The following FNIP1 variants were observed in gnomAD, a reference collection of about 807,000 sequenced individuals.
FNIP1 encodes folliculin-interacting protein 1.
FNIP1 carries 40 observed loss-of-function variants against 124.5 expected under a neutral mutation model. That is an observed-to-expected ratio of 0.32 (90% CI 0.25 to 0.42). FNIP1 has a LOEUF of 0.42. Among genes scored for constraint, FNIP1 ranks in the 10% least tolerant of loss-of-function variants. FNIP1 has a pLI of 1.00. For missense variants in FNIP1, 1,176 were observed against 1,403.7 expected, an observed-to-expected ratio of 0.84 and a Z score of 2.59; for synonymous variants, 472 against 470.6, an observed-to-expected ratio of 1.00 and a Z score of -0.04.
At chr5:131,674,985 G>C (rs1489767583) in intron 13 of FNIP1, among the ~76,000 whole-genome samples, 1 of 152,158 alleles carries the variant, frequency 6.6e-6, no homozygotes, top group Non-Finnish European at 1.5e-5. Context: ...AAATTACCAA[G>C]TAAGTTGAAA....
At chr5:131,657,369 A>T (rs73266140) in intron 15 of FNIP1, among the ~76,000 whole-genome samples, 96 of 152,254 alleles carry the variant, frequency 6.3e-4, no homozygotes, top group African/African-American at 2.3e-3. Flanking sequence ...TAAAGTTCTT[A>T]TGTTGGACAA....
chr5:131,733,593 GT>G (rs1416228985), intron 2 of FNIP1, among the ~76,000 whole-genome samples: 2 of 152,126 alleles, frequency 1.3e-5, no homozygotes, highest in African/African-American at 4.8e-5. Flanking sequence ...TAATCACGTG[GT>G]TTTTGTCTTT....
intron 4 of FNIP1, 95 bp downstream of exon 4, chr5:131,719,222 G>A: frequency 8.2e-7 from 1 of 1,220,820 alleles, no homozygotes; most frequent in Admixed American, 2.2e-5. Context: ...AGTATGACAA[G>A]CTCAATCTGA....
chr5:131,740,452 C>T (rs1026726253), intron 2 of FNIP1, among the ~76,000 whole-genome samples: 9 of 152,184 alleles, frequency 5.9e-5, no homozygotes, highest in Admixed American at 5.2e-4. Flanking sequence ...TGATGTACAA[C>T]TTTATCCTTG....
rs185484689 is a variant in FNIP1, at chr5:131,728,289, T to C, written c.354+2615A>G. Among the ~76,000 whole-genome samples, 727 of 152,336 alleles carry C rather than the reference T, an allele frequency of 4.8e-3. 5 individuals are homozygous for C. The highest frequency in any genetic ancestry group is 0.017 in the African/African-American group (690 of 41,586). ...AAGAGTGTTTTCCAACTTGGTTCCATTCTCCCTGTCACTTTTAGGTACACC... is the reference window on the plus strand; with the variant it reads ...AAGAGTGTTTTCCAACTTGGTTCCACTCTCCCTGTCACTTTTAGGTACACC... On this transcript the variant is annotated intron_variant, in intron 3 of 17. Transcript: ENST00000510461.
chr5:131,703,464 C>T (rs867484518), intron 10 of FNIP1, among the ~76,000 whole-genome samples: 5 of 152,220 alleles, frequency 3.3e-5, no homozygotes, highest in Admixed American at 6.5e-5. Context: ...ACAATGGTAT[C>T]TTATAAGGTC....
At chr5:131,690,170 C>G (rs1375025704) in intron 11 of FNIP1, among the ~76,000 whole-genome samples, 1 of 151,888 alleles carries the variant, frequency 6.6e-6, no homozygotes, top group Non-Finnish European at 1.5e-5. Flanking sequence ...TTGCAGTGAG[C>G]CAAGATCACG....
intron 1 of FNIP1, among the ~76,000 whole-genome samples, chr5:131,767,472 TAAGC>T (rs1771476846): frequency 6.8e-6 from 1 of 147,246 alleles, no homozygotes; most frequent in African/African-American, 2.5e-5. Flanking sequence ...GAAATGTTCT[TAAGC>T]AGGTAGGACC....
chr5:131,673,061 T>G, intron 13 of FNIP1, 137 bp from the exon 14 acceptor site: 1 of 632,054 alleles, frequency 1.6e-6, no homozygotes, highest in Non-Finnish European at 2.5e-6. Context: ...GTTTTTTTTT[T>G]TTTTGAGACA....
At chr5:131,744,204 T>G (rs1037448459) in intron 2 of FNIP1, among the ~76,000 whole-genome samples, 3 of 151,596 alleles carry the variant, frequency 2.0e-5, no homozygotes, top group Non-Finnish European at 2.9e-5. Flanking sequence ...CTTCAATAAA[T>G]GTTTGCTGAA....
intron 1 of FNIP1, among the ~76,000 whole-genome samples, chr5:131,756,121 T>G (rs565281425): frequency 6.6e-6 from 1 of 152,160 alleles, no homozygotes; most frequent in South Asian, 2.1e-4. Context: ...AATTTAGCAA[T>G]TTGGTGTCTT....
At chr5:131,700,993 G>C (rs1289812608) in intron 10 of FNIP1, among the ~76,000 whole-genome samples, 1 of 152,096 alleles carries the variant, frequency 6.6e-6, no homozygotes, top group East Asian at 1.9e-4. Flanking sequence ...TTTAGGTCGG[G>C]GTCCCCAGCC....
At chr5:131,669,175 A>G (rs1054639572) in intron 15 of FNIP1, among the ~76,000 whole-genome samples, 3 of 152,230 alleles carry the variant, frequency 2.0e-5, no homozygotes, top group African/African-American at 7.2e-5. Flanking sequence ...TAGAAAATCT[A>G]AATGTATAAA....
chr5:131,755,845 C>T (rs1449775461), intron 1 of FNIP1, among the ~76,000 whole-genome samples: 1 of 151,950 alleles, frequency 6.6e-6, no homozygotes, highest in Non-Finnish European at 1.5e-5. Context: ...CTCGTCTCTA[C>T]TAAAAATATA....
At chr5:131,678,057 GGT>G (rs1414197070) in intron 12 of FNIP1, among the ~76,000 whole-genome samples, 185 bp from the exon 13 acceptor site, 1 of 152,174 alleles carries the variant, frequency 6.6e-6, no homozygotes, top group Admixed American at 6.5e-5. Flanking sequence ...AATAGTTTCT[GGT>G]TGAGGAGGAG....
At chr5:131,731,575 A>C (rs890283091) in intron 2 of FNIP1, among the ~76,000 whole-genome samples, 3 of 151,864 alleles carry the variant, frequency 2.0e-5, no homozygotes, top group African/African-American at 7.3e-5. Context: ...AATCTTTTGA[A>C]CCTGGGAAGT....
At chr5:131,705,646 A>G (rs1769083579) in intron 9 of FNIP1, among the ~76,000 whole-genome samples, 2 of 152,204 alleles carry the variant, frequency 1.3e-5, no homozygotes, top group South Asian at 4.1e-4. Context: ...GTGGGAATGT[A>G]AAATGGTACA....
intron 2 of FNIP1, among the ~76,000 whole-genome samples, chr5:131,731,824 C>G (rs1351292321): frequency 6.6e-6 from 1 of 151,736 alleles, no homozygotes; most frequent in East Asian, 1.9e-4. Flanking sequence ...CAACAATAAA[C>G]CCAAGTTAAT....
At chr5:131,767,427 C>CAAAAAAAAAAAAAAA (rs139550903) in intron 1 of FNIP1, among the ~76,000 whole-genome samples, 13 of 63,990 alleles carry the variant, frequency 2.0e-4, no homozygotes, top group African/African-American at 6.5e-4. Context: ...GATTCTGTCT[C>CAAAAAAAAAAAAAAA]AAAAAAAAAA....
Sources: gnomAD v4.1 joint callset for allele counts (sites outside exome capture counted in the v4.1 genomes callset) on GRCh38, gnomAD v4.1.1 for gene constraint, MANE v1.5 for transcripts, NCBI Gene and HGNC (gene_info 2026-07-23, HGNC 2026-07-21) for gene names.